The following KHDRBS2 variants were observed in gnomAD, a reference collection of about 807,000 sequenced individuals.
KHDRBS2 encodes KH RNA binding domain containing, signal transduction associated 2, also known as KH domain-containing, RNA-binding, signal transduction-associated protein 2.
A neutral mutation model predicts 44.3 loss-of-function variants in KHDRBS2; 26 were observed. The ratio of observed to expected loss-of-function variants is 0.59; its 90% CI spans 0.43 to 0.81. The LOEUF (loss-of-function observed/expected upper bound fraction) is 0.81, where lower values mean the gene tolerates loss of function less well. Ranked by LOEUF, KHDRBS2 falls within the 40% of genes least tolerant of loss-of-function variation. The pLI is 0.00. For missense variants in KHDRBS2, 476 were observed against 433.1 expected, an observed-to-expected ratio of 1.10 and a Z score of -0.88; for synonymous variants, 194 against 151.1, an observed-to-expected ratio of 1.28 and a Z score of -2.08.
At chr6:61,684,891 A>C (rs1582148973) in intron 8 of KHDRBS2, among the ~76,000 whole-genome samples, 2 of 151,262 alleles carry the variant, frequency 1.3e-5, no homozygotes, top group Non-Finnish European at 3.0e-5. Flanking sequence ...ATATATTATA[A>C]GAAATATTAG....
At chr6:61,705,022 A>G (rs1367669791) in intron 7 of KHDRBS2, among the ~76,000 whole-genome samples, 1 of 151,848 alleles carries the variant, frequency 6.6e-6, no homozygotes, top group Non-Finnish European at 1.5e-5. Flanking sequence ...TAGTTTTTAT[A>G]CAACTTTGCA....
intron 4 of KHDRBS2, among the ~76,000 whole-genome samples, chr6:61,906,095 C>T (rs1226098787): frequency 2.0e-5 from 3 of 152,060 alleles, no homozygotes; most frequent in Non-Finnish European, 4.4e-5. Context: ...ATCCACCCGC[C>T]TCGGCCTCCC....
chr6:61,778,881 G>GCTT (rs1782501360), intron 6 of KHDRBS2, among the ~76,000 whole-genome samples: 1 of 152,158 alleles, frequency 6.6e-6, no homozygotes, highest in South Asian at 2.1e-4. Context: ...GATTCTTCTT[G>GCTT]CTTCTGTAGC....
chr6:62,080,747 C>T (rs749804789), intron 2 of KHDRBS2, among the ~76,000 whole-genome samples: 3 of 152,090 alleles, frequency 2.0e-5, no homozygotes, highest in Non-Finnish European at 4.4e-5. Context: ...CATGCTCCTT[C>T]CCTTTGGGTT....
chr6:61,882,544 A>G (rs183093520), intron 6 of KHDRBS2, among the ~76,000 whole-genome samples: 76 of 152,166 alleles, frequency 5.0e-4, no homozygotes, highest in African/African-American at 1.5e-3. Context: ...TTGATCAACA[A>G]CATGGTTTCA....
In KHDRBS2 at chr6:61,897,746, A is replaced by G. The variant is rs1442823059; in HGVS notation, c.612-2913T>C. On this transcript the variant is annotated intron_variant, in intron 5 of 8. Coordinates refer to ENST00000281156, the MANE Select transcript of KHDRBS2 (RefSeq NM_152688.4). ...CTCTCTCTCTCTCTCAATCACTGTA[A>G]CTCTTCTGCATCAACCACAGTGATA... 2.0e-5 allele frequency among the ~76,000 whole-genome samples: 3 copies of G among 150,872 alleles called. No homozygotes were observed. The East Asian group carries it at 5.9e-4, about 29-fold the overall frequency.
chr6:61,944,443 T>TA (rs765706627), intron 4 of KHDRBS2, among the ~76,000 whole-genome samples: 2,367 of 142,288 alleles, frequency 0.017, 52 homozygotes, highest in African/African-American at 0.049. Flanking sequence ...ATGTGCAAGG[T>TA]AAAAAAAAAA....
At chr6:62,083,774 A>G (rs1293355019) in intron 2 of KHDRBS2, among the ~76,000 whole-genome samples, 2 of 152,182 alleles carry the variant, frequency 1.3e-5, no homozygotes, top group Non-Finnish European at 2.9e-5. Context: ...TTCAAAAAGT[A>G]TCCTGAAAAA....
At chr6:61,809,512 A>C (rs1787763538) in intron 6 of KHDRBS2, among the ~76,000 whole-genome samples, 1 of 152,124 alleles carries the variant, frequency 6.6e-6, no homozygotes, top group Admixed American at 6.6e-5. Flanking sequence ...TACCTTAAGA[A>C]AAAAATTGAC....
chr6:61,669,963 A>T, the KHDRBS2 span, among the ~76,000 whole-genome samples: 1 of 151,188 alleles, frequency 6.6e-6, no homozygotes, highest in Non-Finnish European at 1.5e-5. Flanking sequence ...TACACACCAG[A>T]ATCCCACTTC....
chr6:62,174,934 A>G (rs1282048103), intron 2 of KHDRBS2, among the ~76,000 whole-genome samples: 1 of 151,780 alleles, frequency 6.6e-6, no homozygotes, highest in Non-Finnish European at 1.5e-5. Flanking sequence ...ATGTACATCA[A>G]ATACAGATGA....
intron 2 of KHDRBS2, among the ~76,000 whole-genome samples, chr6:62,075,258 G>T (rs1796108456): frequency 6.6e-6 from 1 of 151,860 alleles, no homozygotes; most frequent in African/African-American, 2.4e-5. Flanking sequence ...CCTTATAAAA[G>T]AGGCCTGAGG....
intron 6 of KHDRBS2, among the ~76,000 whole-genome samples, chr6:61,779,360 T>C (rs1444061465): frequency 6.6e-6 from 1 of 152,142 alleles, no homozygotes; most frequent in Non-Finnish European, 1.5e-5. Flanking sequence ...GACAGATTTT[T>C]GTTTTAATAA....
chr6:62,058,711 C>T (rs1188400363), intron 2 of KHDRBS2, among the ~76,000 whole-genome samples: 3 of 151,580 alleles, frequency 2.0e-5, no homozygotes, highest in Non-Finnish European at 4.4e-5. Flanking sequence ...TATTCTATTG[C>T]AAAAATATCA....
At chr6:62,024,351 C>T (rs1247365200) in intron 3 of KHDRBS2, among the ~76,000 whole-genome samples, 1 of 151,546 alleles carries the variant, frequency 6.6e-6, no homozygotes, top group East Asian at 1.9e-4. Context: ...GGAAAACATG[C>T]ATTTCAAAAT....
At chr6:61,832,694 C>T (rs1792016175) in intron 6 of KHDRBS2, among the ~76,000 whole-genome samples, 1 of 152,054 alleles carries the variant, frequency 6.6e-6, no homozygotes, top group Non-Finnish European at 1.5e-5. Flanking sequence ...GATTACCAAA[C>T]TCCTTAAGAA....
At chr6:61,893,743 C>G (rs1434072082) in intron 6 of KHDRBS2, among the ~76,000 whole-genome samples, 4 of 151,986 alleles carry the variant, frequency 2.6e-5, no homozygotes, top group African/African-American at 4.8e-5. Flanking sequence ...ACACTGGGGC[C>G]TGTTGTGGGG....
rs76087742 is a variant in KHDRBS2, at chr6:61,788,117, G to T, written c.811-55353C>A. 4.4e-3 allele frequency among the ~76,000 whole-genome samples: 667 copies of T among 151,534 alleles called. 9 individuals carry two copies. Among genetic ancestry groups the T allele is most frequent in the African/African-American group, 0.015 (641 of 41,486 alleles). The stretch of plus-strand genomic sequence containing the variant: ...TGAGTAGTTTTCTATTTACAAATAC[G>T]GACAAAATAATGGTCTCATATGTTG... On this transcript the variant is annotated intron_variant, in intron 6 of 8. Transcript: ENST00000281156.
intron 7 of KHDRBS2, among the ~76,000 whole-genome samples, chr6:61,701,577 C>T (rs761057623): frequency 5.3e-5 from 8 of 152,074 alleles, no homozygotes; most frequent in Admixed American, 1.3e-4. Context: ...GATTAAGATA[C>T]GGCCATGGAT....
Sources: allele counts gnomAD v4.1 joint callset (sites outside exome capture counted in the v4.1 genomes callset), GRCh38; gene constraint gnomAD v4.1.1; transcripts MANE v1.5; gene names NCBI Gene and HGNC (gene_info 2026-07-23, HGNC 2026-07-21).